Variants in TRHDE observed in about 807,000 individuals in gnomAD.
TRHDE encodes the protein thyrotropin-releasing hormone-degrading ectoenzyme.
TRHDE carries 72 observed loss-of-function variants against 125.7 expected under a neutral mutation model. The observed-to-expected ratio is 0.57, with a 90% confidence interval of 0.47 to 0.70. The LOEUF (loss-of-function observed/expected upper bound fraction) is 0.70, where lower values mean the gene tolerates loss of function less well. Ranked by LOEUF, TRHDE falls within the 30% of genes least tolerant of loss-of-function variation. The pLI is 0.00. For synonymous variants in TRHDE, 509 were observed against 509.1 expected (o/e 1.00, Z 0.00); for missense variants, 1,110 against 1,327.1 (o/e 0.84, Z 2.54).
At chr12:72,263,173 T>A (rs1353891563) in intron 2 of TRHDE, 1 of 152,112 alleles carries the variant, frequency 6.6e-6, no homozygotes, top group African/African-American at 2.4e-5. Context: ...TGTGCTGAAG[T>A]ATCACCTATT....
chr12:72,655,478 C>T (rs964628437), intron 17 of TRHDE, among the ~76,000 whole-genome samples: 6 of 152,106 alleles, frequency 3.9e-5, no homozygotes, highest in Non-Finnish European at 8.8e-5. Flanking sequence ...AAATTACTTT[C>T]TTTCCTGTTG....
At chr12:72,298,799 G>T (rs1353479434) in intron 2 of TRHDE, among the ~76,000 whole-genome samples, 1 of 152,152 alleles carries the variant, frequency 6.6e-6, no homozygotes, top group Non-Finnish European at 1.5e-5. Flanking sequence ...TTTGTCAAAA[G>T]ACTCTCAATT....
chr12:72,155,840 G>C (rs140832626), intron 2 of TRHDE, among the ~76,000 whole-genome samples: 4,570 of 152,310 alleles, frequency 0.03, 122 homozygotes, highest in African/African-American at 0.067. Flanking sequence ...TCTGGGGTCA[G>C]GGACCCACTT....
At chr12:72,121,830 T>A (rs983847943) in intron 2 of TRHDE, among the ~76,000 whole-genome samples, 1 of 151,410 alleles carries the variant, frequency 6.6e-6, no homozygotes, top group Non-Finnish European at 1.5e-5. Context: ...CCATGATCTA[T>A]GAGAGAAATT....
rs750253881 is a variant in TRHDE, at chr12:72,575,370, A to G, written c.2247A>G (p.Gln749=). The G allele has an allele frequency of 5.6e-6, 9 of 1,613,682 alleles. No homozygotes were observed. The highest frequency in any genetic ancestry group is 6.8e-6 in the Non-Finnish European group (8 of 1,179,710). Residue 749 remains glutamine, a synonymous_variant, in exon 11 of 19, where the codon CAA becomes CAG. Coordinates refer to ENST00000261180, the MANE Select transcript of TRHDE (RefSeq NM_013381.3). ...DLRNWRLLID[Q]LIRNHEVLSV... is the part of the protein sequence containing the mutation. ...GGAACTGGAGATTATTAATTGATCA[A>G]TTAATCCGGAATCATGAGGTACACT...
chr12:72,101,367 GAC>G (rs1373240466), intron 1 of TRHDE, among the ~76,000 whole-genome samples: 2 of 152,180 alleles, frequency 1.3e-5, no homozygotes, highest in Non-Finnish European at 2.9e-5. Flanking sequence ...TGAAGCAGTA[GAC>G]ACAGAGTGAG....
intron 2 of TRHDE, among the ~76,000 whole-genome samples, chr12:72,156,363 C>T (rs1876511487): frequency 6.6e-6 from 1 of 152,214 alleles, no homozygotes; most frequent in Non-Finnish European, 1.5e-5. Flanking sequence ...GATGCCTCGC[C>T]CTGCTTCGGC....
At chr12:72,253,816 A>G (rs1646586033) in intron 2 of TRHDE, 1 of 152,022 alleles carries the variant, frequency 6.6e-6, no homozygotes, top group African/African-American at 2.4e-5. Flanking sequence ...TAGCCTGCCA[A>G]TTCTTCCTCC....
intron 2 of TRHDE, among the ~76,000 whole-genome samples, chr12:72,242,070 T>C (rs1272147326): frequency 6.7e-6 from 1 of 150,342 alleles, no homozygotes; most frequent in Non-Finnish European, 1.5e-5. Flanking sequence ...ATAATTTAAA[T>C]ATACTTTCAC....
At chr12:72,099,404 T>A (rs1338868888) in intron 1 of TRHDE, among the ~76,000 whole-genome samples, 5 of 152,228 alleles carry the variant, frequency 3.3e-5, no homozygotes, top group Non-Finnish European at 7.3e-5. Context: ...CAGCAGTGTC[T>A]CACACTGAGA....
At chr12:72,180,786 A>G (rs938452312) in intron 2 of TRHDE, among the ~76,000 whole-genome samples, 7 of 152,178 alleles carry the variant, frequency 4.6e-5, no homozygotes, top group Non-Finnish European at 7.4e-5. Context: ...TCCTTCTGAT[A>G]GCTGGATGCT....
intron 6 of TRHDE, among the ~76,000 whole-genome samples, chr12:72,530,416 CTTTTTTTTTTTT>C (rs71438816): frequency 1.5e-5 from 1 of 68,484 alleles, no homozygotes; most frequent in African/African-American, 6.1e-5. Context: ...TTCCTAGAAG[CTTTTTTTTTTTT>C]TTTTTTTTTT....
At chr12:72,289,067 C>G (rs935668204) in intron 2 of TRHDE, among the ~76,000 whole-genome samples, 2 of 152,080 alleles carry the variant, frequency 1.3e-5, no homozygotes, top group Admixed American at 6.6e-5. Context: ...CTTTTCACTG[C>G]CTTTCCCCTT....
At chr12:72,322,901 C>T (rs1869164226) in intron 2 of TRHDE, among the ~76,000 whole-genome samples, 1 of 152,078 alleles carries the variant, frequency 6.6e-6, no homozygotes, top group South Asian at 2.1e-4. Flanking sequence ...CTTAGCCTAC[C>T]TAGGCTCTTG....
intron 2 of TRHDE, among the ~76,000 whole-genome samples, chr12:72,334,006 A>T (rs1281805912): frequency 6.6e-6 from 1 of 152,206 alleles, no homozygotes; most frequent in African/African-American, 2.4e-5. Context: ...TTTTAGGTTT[A>T]TTGAGAGTCT....
chr12:72,173,373 G>A (rs1485740827), intron 2 of TRHDE, among the ~76,000 whole-genome samples: 1 of 152,086 alleles, frequency 6.6e-6, no homozygotes, highest in African/African-American at 2.4e-5. Context: ...CTGACTAAAG[G>A]TTTCACTTAA....
At chr12:72,512,976 T>C (rs891705734) in intron 6 of TRHDE, among the ~76,000 whole-genome samples, 2 of 152,100 alleles carry the variant, frequency 1.3e-5, no homozygotes, top group Non-Finnish European at 2.9e-5. Context: ...ATGAATTGTG[T>C]TTTGGCATTT....
At chr12:72,181,447 G>T (rs1877094835) in intron 2 of TRHDE, among the ~76,000 whole-genome samples, 3 of 152,070 alleles carry the variant, frequency 2.0e-5, no homozygotes, top group African/African-American at 7.2e-5. Context: ...TCTTCAAAGG[G>T]CCCTGGGCTA....
intron 3 of TRHDE, among the ~76,000 whole-genome samples, chr12:72,386,907 CTCTT>C (rs1189530609): frequency 6.6e-6 from 1 of 152,124 alleles, no homozygotes; most frequent in Non-Finnish European, 1.5e-5. Context: ...CCATTGGCCA[CTCTT>C]TCTAAGTCTT....
Sources: gnomAD v4.1 joint callset for allele counts (sites outside exome capture counted in the v4.1 genomes callset) on GRCh38, gnomAD v4.1.1 for gene constraint, MANE v1.5 for transcripts, NCBI Gene and HGNC (gene_info 2026-07-23, HGNC 2026-07-21) for gene names.